MS4A1: variants seen among roughly 807,000 people sequenced by gnomAD.
MS4A1 encodes the protein membrane spanning 4-domains A1.
A neutral mutation model predicts 26.5 loss-of-function variants in MS4A1; 16 were observed. The ratio of observed to expected loss-of-function variants is 0.60; its 90% CI spans 0.41 to 0.92. The LOEUF is 0.92. Ranked by LOEUF, MS4A1 falls within the 40% of genes least tolerant of loss-of-function variation. The probability of loss-of-function intolerance (pLI) is 0.00; values close to 1 mark genes in which losing one functional copy is unlikely to be tolerated. For missense variants in MS4A1, 350 were observed against 353.0 expected, an observed-to-expected ratio of 0.99 and a Z score of 0.07; for synonymous variants, 128 against 117.6, an observed-to-expected ratio of 1.09 and a Z score of -0.57.
At chr11:60,462,556 C>T (rs1229888997) in intron 3 of MS4A1, 23 bp downstream of exon 3, 1 of 1,613,926 alleles carries the variant, frequency 6.2e-7, no homozygotes, top group African/African-American at 1.3e-5. Context: ...CCTTCCATCC[C>T]ATGTCGTAGG....
At chr11:60,457,461 A>T (rs2086213587) in intron 1 of MS4A1, among the ~76,000 whole-genome samples, 2 of 152,200 alleles carry the variant, frequency 1.3e-5, no homozygotes, top group Non-Finnish European at 2.9e-5. Context: ...ATTAGAAAAG[A>T]GAAAGACTGA....
intron 1 of MS4A1, among the ~76,000 whole-genome samples, chr11:60,460,232 C>T (rs952784316): frequency 2.6e-5 from 4 of 152,020 alleles, no homozygotes; most frequent in African/African-American, 9.7e-5. Flanking sequence ...GGCGACAGAG[C>T]GAGGCCCTGT....
In MS4A1 at chr11:60,470,129, A is replaced by G. The variant is rs942627891; in HGVS notation, c.*1661A>G. 1 of 152,070 alleles carries G rather than the reference A, an allele frequency of 6.6e-6. No homozygotes were observed. The highest frequency in any genetic ancestry group is 1.5e-5 in the Non-Finnish European group (1 of 67,932). 9.4% of individuals were successfully genotyped at this position (152,070 alleles called of 1,614,324 possible). ...AAACATTAGACCATGGGAGGCTCTT[A>G]CAGCCTTGAGTTGATATTTATACAA... On this transcript the variant is annotated 3_prime_UTR_variant, in exon 8 of 8. Transcript: ENST00000345732.
At chr11:60,468,018 A>G (rs1325377702) in intron 7 of MS4A1, among the ~76,000 whole-genome samples, 1 of 152,220 alleles carries the variant, frequency 6.6e-6, no homozygotes, top group Non-Finnish European at 1.5e-5. Context: ...TGGTCATTCC[A>G]GGCACTGTGG....
intron 7 of MS4A1, 28 bp downstream of exon 7, chr11:60,467,088 C>T: frequency 1.3e-6 from 2 of 1,558,198 alleles, no homozygotes; most frequent in Non-Finnish European, 8.9e-7. Flanking sequence ...TGGCCAAAAC[C>T]TCCCTCTAGA....
chr11:60,463,075 C>A lies in MS4A1; in HGVS notation c.233C>A (p.Ala78Glu). 6.2e-7 allele frequency: 1 copy of A among 1,614,118 alleles called. No homozygotes were observed. The highest frequency in any genetic ancestry group is 8.5e-7 in the Non-Finnish European group (1 of 1,179,990). Residue 78 changes from alanine to glutamate, a missense_variant, in exon 4 of 8, where the codon GCA becomes GAA. Coordinates refer to ENST00000345732, the MANE Select transcript of MS4A1 (RefSeq NM_152866.3). ...GLLMIPAGIY[A>E]PICVTVWYPL... ...CTGATGATCCCAGCAGGGATCTATG[C>A]ACCCATCTGTGTGACTGTGTGGTAC...
chr11:60,462,146 C>T (rs2086252777), intron 2 of MS4A1, 39 bp from the exon 3 acceptor site: 1 of 640,904 alleles, frequency 1.6e-6, no homozygotes, highest in East Asian at 3.1e-5. Context: ...CCTGGGCCCA[C>T]ATGCTCTTCC....
At chr11:60,463,239 T>C in intron 4 of MS4A1, 118 bp downstream of exon 4, 2 of 1,444,932 alleles carry the variant, frequency 1.4e-6, no homozygotes, top group Non-Finnish European at 9.6e-7. Flanking sequence ...GGAAATATTA[T>C]TGGGTTAAAG....
chr11:60,462,682 CA>C (rs1242454219), intron 3 of MS4A1, 149 bp downstream of exon 3: 3 of 1,079,026 alleles, frequency 2.8e-6, no homozygotes, highest in African/African-American at 3.1e-5. Context: ...TGGGCCAAAT[CA>C]GGGGTGCATC....
At chr11:60,465,131 A>G (rs1171789127) in intron 5 of MS4A1, among the ~76,000 whole-genome samples, 1 of 152,276 alleles carries the variant, frequency 6.6e-6, no homozygotes, top group Non-Finnish European at 1.5e-5. Flanking sequence ...AGATACAGCC[A>G]GATTTACTGA....
At chr11:60,465,055 G>A (rs879512544) in intron 5 of MS4A1, among the ~76,000 whole-genome samples, 2 of 152,184 alleles carry the variant, frequency 1.3e-5, no homozygotes, top group Non-Finnish European at 2.9e-5. Context: ...GATGGTTCCT[G>A]TCTTAAAGTG....
chr11:60,464,246 TG>T, intron 4 of MS4A1, 41 bp from the exon 5 acceptor site: 1 of 1,416,872 alleles, frequency 7.1e-7, no homozygotes, highest in Non-Finnish European at 1.0e-6. Context: ...TCTCCTGTCT[TG>T]CCCACCCCCT....
rs2135207411 is a variant in MS4A1 at position 60,469,835 on chromosome 11, A to T, written c.*1367A>T. 1 of 152,208 alleles carries T rather than the reference A, an allele frequency of 6.6e-6. No homozygotes were observed. Among genetic ancestry groups the T allele is most frequent in the South Asian group, 2.1e-4 (1 of 4,830 alleles). The allele number at this position is 152,208 out of a possible 1,614,324, so 9.4% of individuals were successfully genotyped here. A position where few individuals can be genotyped will look rare whatever the true frequency, so the allele number is the denominator to read the frequency against. The stretch of plus-strand genomic sequence containing the variant: ...CTAGGGTGAAGTCACTATAATCTGT[A>T]GTCTATTATTTGGGCATTTGCTACA... On this transcript the variant is annotated 3_prime_UTR_variant, in exon 8 of 8. Transcript: ENST00000345732.
chr11:60,462,625 T>G lies in MS4A1; in HGVS notation c.159+92T>G, dbSNP rs942328318. The G allele has an allele frequency of 1.9e-6, 3 of 1,541,602 alleles. No individual in the cohort carries two copies. The African/African-American group carries it at 4.1e-5, about 21-fold the overall frequency. On this transcript the variant is annotated intron_variant, in intron 3 of 7. Coordinates refer to ENST00000345732, the MANE Select transcript of MS4A1 (RefSeq NM_152866.3). ...GGCCACATACAGAATTCAATCCAAT[T>G]TGAAGAATTGGGATCCAACCTGATG...
rs1292647126 is a variant in MS4A1 at position 60,468,868 on chromosome 11, T to A, written c.*400T>A. Reference sequence around the variant, plus strand: ...TCATGACATTCCTAAACTATCTTTTTTTTATTCCACATCTACGTTTTTGGT... The same window carrying A: ...TCATGACATTCCTAAACTATCTTTTATTTATTCCACATCTACGTTTTTGGT... On this transcript the variant is annotated 3_prime_UTR_variant, in exon 8 of 8. Coordinates refer to ENST00000345732, the MANE Select transcript of MS4A1 (RefSeq NM_152866.3). 1 of 188,014 alleles carries A rather than the reference T, an allele frequency of 5.3e-6. No homozygotes were observed. Among genetic ancestry groups the A allele is most frequent in the African/African-American group, 2.4e-5 (1 of 42,086 alleles). The allele number at this position is 188,014 out of a possible 1,614,324, so 11.6% of individuals were successfully genotyped here.
intron 1 of MS4A1, among the ~76,000 whole-genome samples, chr11:60,456,747 G>A (rs548230110): frequency 3.9e-4 from 60 of 152,310 alleles, no homozygotes; most frequent in Non-Finnish European, 2.6e-4. Context: ...CCGGTGGAAA[G>A]AAATGTTTAA....
rs1464487134 is a variant in MS4A1, at chr11:60,462,182, C to A, written c.-190-3C>A. On this transcript the variant is annotated splice_region_variant and splice_polypyrimidine_tract_variant and intron_variant, in intron 2 of 7. Coordinates refer to ENST00000345732, the MANE Select transcript of MS4A1 (RefSeq NM_152866.3). ...TAAACAACCCCTCCATCTCCTTTCTCAGAACTCAGCAGTAGGCCTTGCCTC... is the reference window on the plus strand; with the variant it reads ...TAAACAACCCCTCCATCTCCTTTCTAAGAACTCAGCAGTAGGCCTTGCCTC... The A allele has an allele frequency of 1.0e-5, 7 of 695,162 alleles. No individual in the cohort carries two copies. Among genetic ancestry groups the A allele is most frequent in the Non-Finnish European group, 1.8e-5 (7 of 386,120 alleles). The allele number at this position is 695,162 out of a possible 1,614,324, so 43.1% of individuals were successfully genotyped here.
Position 60,468,266 on chromosome 11 carries a change from C to T in MS4A1, c.692C>T (p.Ser231Leu). 6.2e-7 allele frequency: 1 copy of T among 1,612,058 alleles called. No individual in the cohort carries two copies. Among genetic ancestry groups the T allele is most frequent in the Non-Finnish European group, 8.5e-7 (1 of 1,178,744 alleles). The change falls in exon 8 of 8, where the codon TCA becomes TTA. Residue 231 changes from serine to leucine, a missense_variant. Transcript: ENST00000345732. ...SRPKSNIVLL[S>L]AEEKKEQTIE... ...CTGTTTTAGAACATAGTTCTCCTGT[C>T]AGCAGAAGAAAAAAAAGAACAGACT...
intron 6 of MS4A1, among the ~76,000 whole-genome samples, chr11:60,466,396 G>C (rs1289144619): frequency 6.6e-6 from 1 of 152,106 alleles, no homozygotes; most frequent in Non-Finnish European, 1.5e-5. Context: ...TATATACAAA[G>C]CATTTAGAAC....
Sources: allele counts gnomAD v4.1 joint callset (sites outside exome capture counted in the v4.1 genomes callset), GRCh38; gene constraint gnomAD v4.1.1; transcripts MANE v1.5; gene names NCBI Gene and HGNC (gene_info 2026-07-23, HGNC 2026-07-21).